The following PCDHGA1 variants were observed in gnomAD, a reference collection of about 807,000 sequenced individuals.
The protein encoded by PCDHGA1 is protocadherin gamma-A1.
Under a neutral mutation model 58.0 loss-of-function variants are expected in PCDHGA1, and 32 were observed. That is an observed-to-expected ratio of 0.55 (90% CI 0.42 to 0.74). PCDHGA1 has a LOEUF of 0.74. PCDHGA1 is among the 30% of genes least tolerant of loss of function. The pLI is 0.00. For synonymous variants in PCDHGA1, 498 were observed against 501.1 expected (o/e 0.99, Z 0.08); for missense variants, 1,205 against 1,182.3 (o/e 1.02, Z -0.28).
At position 141,418,922 on chromosome 5, in the gene PCDHGA1, C is replaced by G. The variant is rs180948941; in HGVS notation, c.2422-75885C>G. The G allele has an allele frequency of 3.7e-6, 6 of 1,613,994 alleles. 1 individual carries two copies. In the Admixed American group the frequency reaches 6.7e-5, roughly 18 times the overall value. On this transcript the variant is annotated intron_variant, in intron 1 of 3. Coordinates refer to ENST00000517417, the MANE Select transcript of PCDHGA1 (RefSeq NM_018912.3). ...AATAATCATCACGTCACTCTCTGAT[C>G]AGATTATGGAGGATTCCCCTCCAGG...
At chr5:141,414,629 G>A (rs2095766704) in intron 1 of PCDHGA1, 2 of 1,613,882 alleles carry the variant, frequency 1.2e-6, no homozygotes, top group Non-Finnish European at 1.7e-6. Context: ...GACCCGGACA[G>A]CAAAGAGAAT....
chr5:141,418,111 A>G (rs763834283), intron 1 of PCDHGA1: 19 of 1,613,940 alleles, frequency 1.2e-5, no homozygotes, highest in Non-Finnish European at 1.5e-5. Context: ...GCGGGGACTT[A>G]CTTGTGAAGG....
chr5:141,348,053 C>G (rs1470158064), intron 1 of PCDHGA1, among the ~76,000 whole-genome samples: 1 of 152,198 alleles, frequency 6.6e-6, no homozygotes, highest in Non-Finnish European at 1.5e-5. Flanking sequence ...GAAGTCCCTT[C>G]TTTTGTCATG....
intron 1 of PCDHGA1, chr5:141,391,580 C>A (rs1392857666): frequency 3.3e-5 from 5 of 152,116 alleles, no homozygotes; most frequent in South Asian, 2.1e-4. Flanking sequence ...AATATATTCA[C>A]AGGAAAATAT....
Position 141,511,656 on chromosome 5 carries a change from C to T in PCDHGA1, c.*483C>T, listed in dbSNP as rs2099883892. On this transcript the variant is annotated 3_prime_UTR_variant, in exon 4 of 4. Transcript: ENST00000517417. ...GGGCATCATGACCTCTTGGCCTCTC[C>T]TTTGATTCTCAATCTTCCCCCAAAG... is the stretch of plus-strand genomic sequence containing the variant. 4.9e-6 allele frequency: 1 copy of T among 206,024 alleles called. No individual in the cohort carries two copies. The highest frequency in any genetic ancestry group is 5.2e-5 in the Admixed American group (1 of 19,114). 12.8% of individuals were successfully genotyped at this position (206,024 alleles called of 1,614,324 possible).
intron 1 of PCDHGA1, among the ~76,000 whole-genome samples, chr5:141,363,323 G>T (rs1463680415): frequency 1.3e-5 from 2 of 152,116 alleles, no homozygotes; most frequent in African/African-American, 4.8e-5. Context: ...CTATGAAAGT[G>T]TTATTAAATA....
chr5:141,360,869 A>G, intron 1 of PCDHGA1: 1 of 1,614,016 alleles, frequency 6.2e-7, no homozygotes, highest in Non-Finnish European at 8.5e-7. Flanking sequence ...TTCAGCCAGG[A>G]CGTGTACAGG....
rs902072815 is a variant in PCDHGA1, at chr5:141,495,024, C to A, written c.2480+159C>A. On this transcript the variant is annotated intron_variant, in intron 2 of 3. Coordinates refer to ENST00000517417, the MANE Select transcript of PCDHGA1 (RefSeq NM_018912.3). ...GGTGTGCGGGGGGCTGGCACACAGACCCCGGAAGGAAGAGGCGACTGCCCT... is the reference window on the plus strand; with the variant it reads ...GGTGTGCGGGGGGCTGGCACACAGAACCCGGAAGGAAGAGGCGACTGCCCT... The A allele has an allele frequency of 1.6e-5, 16 of 973,368 alleles. No homozygotes were observed. In the South Asian group the frequency reaches 5.7e-4, roughly 35 times the overall value. The allele number at this position is 973,368 out of a possible 1,614,324, so 60.3% of individuals were successfully genotyped here. A position where few individuals can be genotyped will look rare whatever the true frequency, so the allele number is the denominator to read the frequency against.
intron 1 of PCDHGA1, chr5:141,374,308 C>T: frequency 6.2e-7 from 1 of 1,613,970 alleles, no homozygotes; most frequent in Non-Finnish European, 8.5e-7. Flanking sequence ...TGCAGCTTTT[C>T]TCTCTGAATC....
At chr5:141,421,894 C>T (rs764642401) in intron 1 of PCDHGA1, 6 of 1,613,586 alleles carry the variant, frequency 3.7e-6, no homozygotes, top group Non-Finnish European at 4.2e-6. Flanking sequence ...CGATCCCATC[C>T]GAAAGGGCGC....
At chr5:141,392,625 C>T (rs939952294) in intron 1 of PCDHGA1, 4 of 567,662 alleles carry the variant, frequency 7.0e-6, no homozygotes, top group Non-Finnish European at 8.9e-6. Context: ...CGAAAACACT[C>T]AGATCTCACA....
chr5:141,482,890 G>C (rs577635020), intron 1 of PCDHGA1, among the ~76,000 whole-genome samples: 10 of 152,274 alleles, frequency 6.6e-5, no homozygotes, highest in African/African-American at 2.4e-4. Flanking sequence ...TGGCCAACAT[G>C]GTGAAACCTC....
At chr5:141,370,084 A>C (rs947010720) in intron 1 of PCDHGA1, among the ~76,000 whole-genome samples, 2 of 152,244 alleles carry the variant, frequency 1.3e-5, no homozygotes, top group Non-Finnish European at 2.9e-5. Context: ...AAGTATCACT[A>C]TCAGTACACT....
Position 141,405,636 on chromosome 5 carries a change from G to A in PCDHGA1, c.2421+72531G>A, listed in dbSNP as rs546836247. 7 of 528,588 alleles carry A rather than the reference G, an allele frequency of 1.3e-5. 1 individual carries two copies. The highest frequency in any genetic ancestry group is 8.1e-5 in the South Asian group (3 of 37,242). The allele number at this position is 528,588 out of a possible 1,614,324, so 32.7% of individuals were successfully genotyped here. A position where few individuals can be genotyped will look rare whatever the true frequency, so the allele number is the denominator to read the frequency against. On this transcript the variant is annotated intron_variant, in intron 1 of 3. Coordinates refer to ENST00000517417, the MANE Select transcript of PCDHGA1 (RefSeq NM_018912.3). ...ACTACAGGCACGTGCCACCACGCCC[G>A]GCTAATTTTTTGTGTGTTTTTAGTA...
chr5:141,384,957 C>T (rs1561605479), intron 1 of PCDHGA1: 2 of 1,613,966 alleles, frequency 1.2e-6, no homozygotes, highest in African/African-American at 2.7e-5. Flanking sequence ...GTCCTTACAA[C>T]TATGACCTCA....
intron 1 of PCDHGA1, chr5:141,412,090 T>C (rs1008718786): frequency 3.3e-5 from 5 of 152,218 alleles, no homozygotes; most frequent in Admixed American, 2.0e-4. Flanking sequence ...ACTGGGTTGA[T>C]GGGCACACAC....
intron 1 of PCDHGA1, chr5:141,388,825 C>G: frequency 6.2e-7 from 1 of 1,613,910 alleles, no homozygotes; most frequent in Non-Finnish European, 8.5e-7. Flanking sequence ...AAAGAATATT[C>G]CATAGTTTTG....
At position 141,404,183 on chromosome 5, in the gene PCDHGA1, G is replaced by A; in HGVS notation, c.2421+71078G>A. The A allele has an allele frequency of 1.2e-6, 2 of 1,613,154 alleles. No individual in the cohort carries two copies. Among genetic ancestry groups the A allele is most frequent in the South Asian group, 1.1e-5 (1 of 90,926 alleles). On this transcript the variant is annotated intron_variant, in intron 1 of 3. Coordinates refer to ENST00000517417, the MANE Select transcript of PCDHGA1 (RefSeq NM_018912.3). Reference sequence around the variant, plus strand: ...CAGATTGTTGACGGCCCAAATTCTTGACCGAGAAAAAGCCTCAGAATATAA... The same window carrying A: ...CAGATTGTTGACGGCCCAAATTCTTAACCGAGAAAAAGCCTCAGAATATAA...
At chr5:141,419,663 G>T (rs1459319505) in intron 1 of PCDHGA1, 1 of 1,612,710 alleles carries the variant, frequency 6.2e-7, no homozygotes, top group Non-Finnish European at 8.5e-7. Flanking sequence ...GGGGCACAAT[G>T]CCTGGCTGTC....
Sources: allele counts gnomAD v4.1 joint callset (sites outside exome capture counted in the v4.1 genomes callset), GRCh38; gene constraint gnomAD v4.1.1; transcripts MANE v1.5; gene names NCBI Gene and HGNC (gene_info 2026-07-23, HGNC 2026-07-21).